The following UNC5C variants were observed in gnomAD, a reference collection of about 807,000 sequenced individuals.
UNC5C encodes the protein unc-5 netrin receptor C.
Under a neutral mutation model 99.8 loss-of-function variants are expected in UNC5C, and 47 were observed. The observed-to-expected ratio is 0.47, with a 90% CI of 0.37 to 0.60. UNC5C has a LOEUF of 0.60. Among genes scored for constraint, UNC5C ranks in the 20% least tolerant of loss-of-function variants. UNC5C has a pLI of 0.00. For synonymous variants in UNC5C, 487 were observed against 452.2 expected (o/e 1.08, Z -0.98); for missense variants, 1,062 against 1,165.9 (o/e 0.91, Z 1.30).
chr4:95,517,130 T>C (rs1009024636), intron 1 of UNC5C, among the ~76,000 whole-genome samples: 3 of 152,172 alleles, frequency 2.0e-5, no homozygotes, highest in African/African-American at 7.2e-5. Flanking sequence ...GCTTTAAAAA[T>C]TGTAAAGCGA....
intron 4 of UNC5C, among the ~76,000 whole-genome samples, chr4:95,272,973 A>G (rs1740713997): frequency 1.3e-5 from 2 of 152,320 alleles, no homozygotes; most frequent in East Asian, 1.9e-4. Flanking sequence ...AATCAATTAG[A>G]TGGAGAGCCA....
intron 1 of UNC5C, among the ~76,000 whole-genome samples, chr4:95,502,877 G>A (rs997374219): frequency 6.6e-6 from 1 of 152,008 alleles, no homozygotes; most frequent in African/African-American, 2.4e-5. Context: ...GCAAAGAATC[G>A]CACAGATATC....
intron 1 of UNC5C, among the ~76,000 whole-genome samples, chr4:95,419,064 T>C (rs1746248316): frequency 6.6e-6 from 1 of 152,172 alleles, no homozygotes; most frequent in Non-Finnish European, 1.5e-5. Flanking sequence ...ATATTTAGAA[T>C]TGAAATAATA....
chr4:95,461,267 C>A (rs1311470062), intron 1 of UNC5C, among the ~76,000 whole-genome samples: 1 of 152,092 alleles, frequency 6.6e-6, no homozygotes. Context: ...TGATTCTTCC[C>A]ATGAAGTTAA....
At chr4:95,354,481 T>TATATATATATATATATATATATA (rs1274789806) in intron 1 of UNC5C, among the ~76,000 whole-genome samples, 5 of 99,720 alleles carry the variant, frequency 5.0e-5, no homozygotes, top group African/African-American at 1.8e-4. Flanking sequence ...ATATATATAT[T>TATATATATATATATATATATATA]TTTTTTTTTT....
intron 1 of UNC5C, among the ~76,000 whole-genome samples, chr4:95,536,061 C>CATATATATATATATAT (rs58901868): frequency 1.4e-5 from 2 of 140,834 alleles, no homozygotes; most frequent in East Asian, 4.1e-4. Context: ...TACATACATA[C>CATATATATATATATAT]ATATATATAT....
chr4:95,454,077 A>T (rs1747361670), intron 1 of UNC5C, among the ~76,000 whole-genome samples: 1 of 152,090 alleles, frequency 6.6e-6, no homozygotes, highest in Non-Finnish European at 1.5e-5. Context: ...TCAAAACTAG[A>T]TGGGGTGGTA....
In UNC5C at chr4:95,455,510, A is replaced by T. The variant is rs565566524; in HGVS notation, c.124+93224T>A. Among the ~76,000 whole-genome samples the T allele has an allele frequency of 1.2e-4, 19 of 152,112 alleles. No individual in the cohort carries two copies. In the South Asian group the frequency reaches 3.7e-3, roughly 30 times the overall value. ...CAAGACTCCATCTCTACAAAAAATT[A>T]AACCACTTGAGAGGTTAGGCTGGAG... On this transcript the variant is annotated intron_variant, in intron 1 of 15. Coordinates refer to ENST00000453304, the MANE Select transcript of UNC5C (RefSeq NM_003728.4).
rs546585881 is a variant in UNC5C, at chr4:95,487,736, G to A, written c.124+60998C>T. ...TGGGGTCTAAATTAAGAAAATACAC[G>A]TAAGTTTCATACAGCATAATTTAGA... On this transcript the variant is annotated intron_variant, in intron 1 of 15. Transcript: ENST00000453304. Among the ~76,000 whole-genome samples, 15 of 151,744 alleles carry A rather than the reference G, an allele frequency of 9.9e-5. No individual in the cohort carries two copies. In the South Asian group the frequency reaches 2.5e-3, roughly 25 times the overall value.
At chr4:95,185,267 T>A in intron 12 of UNC5C, 71 bp from the exon 13 acceptor site, 1 of 1,511,520 alleles carries the variant, frequency 6.6e-7, no homozygotes, top group East Asian at 2.3e-5. Context: ...TCTCATTGAA[T>A]AAGTTTCTTT....
chr4:95,481,019 C>G (rs1448019982), intron 1 of UNC5C, among the ~76,000 whole-genome samples: 1 of 149,760 alleles, frequency 6.7e-6, no homozygotes, highest in Non-Finnish European at 1.5e-5. Context: ...GGCAATTAGG[C>G]AGGAGAAGGA....
intron 12 of UNC5C, among the ~76,000 whole-genome samples, chr4:95,193,893 G>A (rs1016343274): frequency 1.3e-5 from 2 of 152,158 alleles, no homozygotes; most frequent in Non-Finnish European, 2.9e-5. Flanking sequence ...CGCCATCCCT[G>A]GCGCCCGGCC....
chr4:95,484,777 A>C (rs904072438), intron 1 of UNC5C, among the ~76,000 whole-genome samples: 1 of 151,878 alleles, frequency 6.6e-6, no homozygotes, highest in African/African-American at 2.4e-5. Flanking sequence ...AAATCAACTA[A>C]ATGGGAAGCT....
chr4:95,478,204 T>C (rs1560848598), intron 1 of UNC5C, among the ~76,000 whole-genome samples: 1 of 151,928 alleles, frequency 6.6e-6, no homozygotes, highest in African/African-American at 2.4e-5. Flanking sequence ...CACCACCCTA[T>C]CCATTATGGA....
At chr4:95,254,765 C>T (rs1181930559) in intron 4 of UNC5C, among the ~76,000 whole-genome samples, 2 of 152,200 alleles carry the variant, frequency 1.3e-5, no homozygotes, top group African/African-American at 2.4e-5. Flanking sequence ...CTTTCCTTTA[C>T]CCTTTTCTGT....
At chr4:95,298,931 T>C (rs868371496) in intron 3 of UNC5C, among the ~76,000 whole-genome samples, 10 of 152,130 alleles carry the variant, frequency 6.6e-5, no homozygotes, top group African/African-American at 2.4e-4. Flanking sequence ...CTGAAAGGCA[T>C]GGAAATCAAA....
intron 1 of UNC5C, among the ~76,000 whole-genome samples, chr4:95,522,688 C>T (rs1213316817): frequency 6.6e-6 from 1 of 152,166 alleles, no homozygotes; most frequent in African/African-American, 2.4e-5. Context: ...CATTAACCTT[C>T]AATACAAAGG....
chr4:95,367,763 ACT>A (rs1006714080), intron 1 of UNC5C, among the ~76,000 whole-genome samples: 7 of 152,010 alleles, frequency 4.6e-5, no homozygotes, highest in African/African-American at 1.7e-4. Context: ...AATTTCAGTG[ACT>A]CTGTAAATTT....
At chr4:95,540,669 A>G (rs372616149) in intron 1 of UNC5C, among the ~76,000 whole-genome samples, 2 of 152,180 alleles carry the variant, frequency 1.3e-5, no homozygotes, top group East Asian at 3.8e-4. Context: ...CAATGTGTAT[A>G]TTTGCCAAAC....
Sources: allele counts gnomAD v4.1 joint callset (sites outside exome capture counted in the v4.1 genomes callset), GRCh38; gene constraint gnomAD v4.1.1; transcripts MANE v1.5; gene names NCBI Gene and HGNC (gene_info 2026-07-23, HGNC 2026-07-21).